ZSWIM6: variants seen among roughly 807,000 people sequenced by gnomAD.
ZSWIM6 encodes the protein zinc finger SWIM domain-containing protein 6.
In ZSWIM6, 9 loss-of-function variants were observed where a neutral mutation model predicts 113.2. The observed-to-expected ratio is 0.08, with a 90% CI of 0.05 to 0.14. The LOEUF (loss-of-function observed/expected upper bound fraction) is 0.14, where lower values mean the gene tolerates loss of function less well. Ranked by LOEUF, ZSWIM6 falls within the 10% of genes least tolerant of loss-of-function variation. The pLI is 1.00. For synonymous variants in ZSWIM6, 611 were observed against 606.5 expected, an observed-to-expected ratio of 1.01 and a Z score of -0.11; for missense variants, 1,162 against 1,552.2, an observed-to-expected ratio of 0.75 and a Z score of 4.22.
intron 1 of ZSWIM6, among the ~76,000 whole-genome samples, chr5:61,392,704 C>T (rs1745748133): frequency 6.6e-6 from 1 of 152,142 alleles, no homozygotes; most frequent in Non-Finnish European, 1.5e-5. Context: ...CCTCCGCCTC[C>T]CAGATTCAAG....
At chr5:61,451,383 T>C (rs959145742) in intron 1 of ZSWIM6, among the ~76,000 whole-genome samples, 6 of 152,188 alleles carry the variant, frequency 3.9e-5, no homozygotes, top group Admixed American at 2.0e-4. Flanking sequence ...TATTTAAACA[T>C]TTCTAAATTT....
chr5:61,375,025 G>T, intron 1 of ZSWIM6: 1 of 1,207,742 alleles, frequency 8.3e-7, no homozygotes, highest in Non-Finnish European at 1.2e-6. Flanking sequence ...AGTAATGAGA[G>T]GTGGGACCAA....
At chr5:61,526,756 C>T (rs1466095809) in intron 7 of ZSWIM6, among the ~76,000 whole-genome samples, 1 of 152,140 alleles carries the variant, frequency 6.6e-6, no homozygotes, top group East Asian at 1.9e-4. Flanking sequence ...ACAGCCTATG[C>T]TTGAATCCCG....
intron 1 of ZSWIM6, among the ~76,000 whole-genome samples, chr5:61,392,332 G>A (rs1745737007): frequency 6.6e-6 from 1 of 152,126 alleles, no homozygotes. Context: ...GTAAAGTGGT[G>A]TTTGTGATGA....
chr5:61,505,326 C>CT (rs1748573420), intron 4 of ZSWIM6, among the ~76,000 whole-genome samples: 2 of 151,896 alleles, frequency 1.3e-5, no homozygotes, highest in Non-Finnish European at 2.9e-5. Flanking sequence ...TTTCTTTTCT[C>CT]TGATTTAAAA....
chr5:61,486,780 A>G (rs1748031850), intron 2 of ZSWIM6, among the ~76,000 whole-genome samples: 1 of 151,820 alleles, frequency 6.6e-6, no homozygotes, highest in African/African-American at 2.4e-5. Context: ...TCACTTTTTA[A>G]TGGGATTATT....
At chr5:61,502,912 G>A (rs921544397) in intron 4 of ZSWIM6, among the ~76,000 whole-genome samples, 47 of 151,680 alleles carry the variant, frequency 3.1e-4, no homozygotes, top group African/African-American at 1.0e-3. Context: ...CCCCGCCCCC[G>A]CCACCAGTAC....
At chr5:61,368,340 C>G (rs999047378) in intron 1 of ZSWIM6, among the ~76,000 whole-genome samples, 2 of 152,142 alleles carry the variant, frequency 1.3e-5, no homozygotes, top group Non-Finnish European at 2.9e-5. Flanking sequence ...AAACATTTTA[C>G]TCAGTTGAAA....
chr5:61,386,392 AT>A (rs1422716128), intron 1 of ZSWIM6, among the ~76,000 whole-genome samples: 57 of 152,318 alleles, frequency 3.7e-4, no homozygotes, highest in African/African-American at 1.3e-3. Context: ...TGGATTGGTG[AT>A]TGCAAAGCTT....
chr5:61,504,196 G>A lies in ZSWIM6; in HGVS notation c.1333+9786G>A, dbSNP rs116926680. Among the ~76,000 whole-genome samples, 9 of 152,040 alleles carry A rather than the reference G, an allele frequency of 5.9e-5. No individual in the cohort carries two copies. In the East Asian group the frequency reaches 1.6e-3, roughly 26 times the overall value. On this transcript the variant is annotated intron_variant, in intron 4 of 13. Transcript: ENST00000252744. ...CCATTTTCTTCTTCTGCTTTATCTA[G>A]CCTTCTCCACCCATGTGCACAATAT...
chr5:61,338,485 G>C (rs1744453766), intron 1 of ZSWIM6, among the ~76,000 whole-genome samples: 1 of 152,078 alleles, frequency 6.6e-6, no homozygotes, highest in Non-Finnish European at 1.5e-5. Context: ...TTGTTCTTTT[G>C]TGTGAGTTGA....
chr5:61,471,373 A>T (rs748576453), intron 1 of ZSWIM6, among the ~76,000 whole-genome samples: 1 of 152,124 alleles, frequency 6.6e-6, no homozygotes, highest in African/African-American at 2.4e-5. Flanking sequence ...TAGCCTTCCT[A>T]TGCAATGTAG....
At chr5:61,413,982 A>G (rs934536571) in intron 1 of ZSWIM6, among the ~76,000 whole-genome samples, 2 of 152,060 alleles carry the variant, frequency 1.3e-5, no homozygotes, top group African/African-American at 4.8e-5. Context: ...ACTGAAAGGA[A>G]GGAACGCAGT....
Position 61,535,472 on chromosome 5 carries a change from C to T in ZSWIM6, c.2246-12C>T. 1 of 1,551,048 alleles carries T rather than the reference C, an allele frequency of 6.4e-7. No homozygotes were observed. The highest frequency in any genetic ancestry group is 8.7e-7 in the Non-Finnish European group (1 of 1,146,520). On this transcript the variant is annotated splice_polypyrimidine_tract_variant and intron_variant, in intron 9 of 13. Transcript: ENST00000252744. Reference sequence around the variant, plus strand: ...TTTAGGAACGTAAAATGTGTATGCTCTCTTCCCACAGCCGGACCATATAGT... The same window carrying T: ...TTTAGGAACGTAAAATGTGTATGCTTTCTTCCCACAGCCGGACCATATAGT...
At chr5:61,530,322 A>G in intron 8 of ZSWIM6, 124 bp downstream of exon 8, 1 of 1,012,232 alleles carries the variant, frequency 9.9e-7, no homozygotes, top group Non-Finnish European at 1.4e-6. Flanking sequence ...TTGGTTAGCA[A>G]GAGAGCAAGA....
rs1749863011 is a variant in ZSWIM6, at chr5:61,545,485, T to C, written c.*1168T>C. ...CCTTTTGACACAAAACACAAAATGT[T>C]TTCCAAAACAATTGACATAATGATA... On this transcript the variant is annotated 3_prime_UTR_variant, in exon 14 of 14. Transcript: ENST00000252744. 1 of 152,064 alleles carries C rather than the reference T, an allele frequency of 6.6e-6. No individual in the cohort carries two copies. Among genetic ancestry groups the C allele is most frequent in the Admixed American group, 6.6e-5 (1 of 15,260 alleles). The allele number at this position is 152,064 out of a possible 1,614,324, so 9.4% of individuals were successfully genotyped here.
At chr5:61,480,002 AAG>A (rs1214093341) in intron 2 of ZSWIM6, among the ~76,000 whole-genome samples, 1 of 152,108 alleles carries the variant, frequency 6.6e-6, no homozygotes, top group African/African-American at 2.4e-5. Context: ...AATAAATCTG[AAG>A]AGTTGGATTA....
intron 12 of ZSWIM6, 131 bp downstream of exon 12, chr5:61,539,890 C>A (rs2112290479): frequency 1.1e-6 from 1 of 873,088 alleles, no homozygotes; most frequent in Non-Finnish European, 1.7e-6. Context: ...TGTTAGACTT[C>A]AGGAGAGAAC....
At chr5:61,541,753 C>T in intron 12 of ZSWIM6, 131 bp from the exon 13 acceptor site, 2 of 763,202 alleles carry the variant, frequency 2.6e-6, no homozygotes, top group South Asian at 4.3e-5. Flanking sequence ...GAGCTTTGCT[C>T]TAAATTATGC....
Sources: gnomAD v4.1 joint callset for allele counts (sites outside exome capture counted in the v4.1 genomes callset) on GRCh38, gnomAD v4.1.1 for gene constraint, MANE v1.5 for transcripts, NCBI Gene and HGNC (gene_info 2026-07-23, HGNC 2026-07-21) for gene names.